EVC2: variants seen among roughly 807,000 people sequenced by gnomAD.
EVC2 encodes the protein EvC ciliary complex subunit 2.
Under a neutral mutation model 149.3 loss-of-function variants are expected in EVC2, and 148 were observed. The observed-to-expected ratio is 0.99, with a 90% CI of 0.87 to 1.14. The LOEUF (loss-of-function observed/expected upper bound fraction) is 1.14, where lower values mean the gene tolerates loss of function less well. Among genes scored for constraint, EVC2 ranks in the 50% most tolerant of loss-of-function variants. EVC2 has a pLI of 0.00. For synonymous variants in EVC2, 776 were observed against 649.9 expected, an observed-to-expected ratio of 1.19 and a Z score of -2.95; for missense variants, 1,854 against 1,627.3, an observed-to-expected ratio of 1.14 and a Z score of -2.40.
chr4:5,681,595 C>T (rs574753244), intron 6 of EVC2, among the ~76,000 whole-genome samples: 3 of 152,334 alleles, frequency 2.0e-5, no homozygotes, highest in South Asian at 4.1e-4. Context: ...TGGGGTTGGG[C>T]ACTGACTCCA....
At chr4:5,542,892 C>G (rs1721541892) in exon 23 of EVC2, 1 of 322,178 alleles carries the variant, frequency 3.1e-6, no homozygotes, top group Non-Finnish European at 6.1e-6. Context: ...CAGGCCCTTC[C>G]TTGGTGTTCC....
Position 5,584,609 on chromosome 4 carries a change from G to A in EVC2, c.3057+14C>T, listed in dbSNP as rs933945004. The A allele has an allele frequency of 6.2e-7, 1 of 1,610,054 alleles. No homozygotes were observed. Among genetic ancestry groups the A allele is most frequent in the Non-Finnish European group, 8.5e-7 (1 of 1,178,386 alleles). Reference sequence around the variant, plus strand: ...CAGCTCTGTCCCCCTCTCCTTCCCAGCGCCTGCACTCACCCGGCTGTGCGA... The same window carrying A: ...CAGCTCTGTCCCCCTCTCCTTCCCAACGCCTGCACTCACCCGGCTGTGCGA... On this transcript the variant is annotated intron_variant, in intron 17 of 21. Coordinates refer to ENST00000344408, the MANE Select transcript of EVC2 (RefSeq NM_147127.5).
Position 5,615,551 on chromosome 4 carries a change from A to C in EVC2, c.2707-7T>G. Reference sequence around the variant, plus strand: ...TTCTCACCTTGGACTGTTGCTGGAGAGGGGTTGGGGAAGACGTGGGTAAGA... The same window carrying C: ...TTCTCACCTTGGACTGTTGCTGGAGCGGGGTTGGGGAAGACGTGGGTAAGA... On this transcript the variant is annotated splice_region_variant and splice_polypyrimidine_tract_variant and intron_variant, in intron 15 of 21. Transcript: ENST00000344408. 6.2e-7 allele frequency: 1 copy of C among 1,613,894 alleles called. No homozygotes were observed. The highest frequency in any genetic ancestry group is 8.5e-7 in the Non-Finnish European group (1 of 1,179,942).
rs12648800 is a variant in EVC2 at position 5,637,692 on chromosome 4, G to T, written c.1470+2822C>A. On this transcript the variant is annotated intron_variant, in intron 10 of 21. Coordinates refer to ENST00000344408, the MANE Select transcript of EVC2 (RefSeq NM_147127.5). This position sits in a 1 kb window ranked among gnomAD's most constrained non-coding sequence, Gnocchi z 4.4. ...AAATGTATGCTGGCAACTGAGGGCA[G>T]GTGTGAAGGCTGCCTGAGCCATCCC... 2.0e-5 allele frequency among the ~76,000 whole-genome samples: 3 copies of T among 151,992 alleles called. No homozygotes were observed. The highest frequency in any genetic ancestry group is 4.8e-5 in the African/African-American group (2 of 41,390).
intron 21 of EVC2, among the ~76,000 whole-genome samples, chr4:5,551,975 T>C (rs1353797441): frequency 6.6e-6 from 1 of 152,190 alleles, no homozygotes; most frequent in Admixed American, 6.5e-5. Context: ...GAACTGTAAG[T>C]CCATAAAACC....
intron 9 of EVC2, among the ~76,000 whole-genome samples, chr4:5,650,665 A>C (rs867846746): frequency 7.0e-6 from 1 of 143,532 alleles, no homozygotes; most frequent in African/African-American, 2.5e-5. Flanking sequence ...AGAGAGAGAG[A>C]GAGAGAGCCA....
At position 5,615,470 on chromosome 4, in the gene EVC2, G is replaced by A. The variant is rs1193965705; in HGVS notation, c.2781C>T (p.Asp927=). ...KGELLKKCIE[D]KIHLCEEQAS... ...CCTGTTCCTCACAGAGGTGAATTTT[G>A]TCTTCGATGCACTTCTTCAGAAGCT... is the stretch of plus-strand genomic sequence containing the variant. Residue 927 remains aspartate, a synonymous_variant, in exon 16 of 22, where the codon GAC becomes GAT. Coordinates refer to ENST00000344408, the MANE Select transcript of EVC2 (RefSeq NM_147127.5). 4.3e-6 allele frequency: 7 copies of A among 1,614,196 alleles called. No homozygotes were observed. The East Asian group carries it at 1.3e-4, about 31-fold the overall frequency.
chr4:5,568,480 T>C lies in EVC2; in HGVS notation c.3521A>G (p.Asp1174Gly). Residue 1174 changes from aspartate (D) to glycine (G), a missense_variant, in exon 20 of 22, where the codon GAT (aspartate) becomes GGT (glycine). Asp to Gly is a moderately conservative substitution (Grantham distance 94). Coordinates refer to ENST00000344408, the MANE Select transcript of EVC2 (RefSeq NM_147127.5). ...CACGTCGGCCTGCTCCGCTCCGCCA[T>C]CGCTCTCAGCTGCGTGGTCCACATG... ...ERHVDHAAES[D>G]GGAEQADVGR... 1 of 1,578,806 alleles carries C rather than the reference T, an allele frequency of 6.3e-7. No individual in the cohort carries two copies. Among genetic ancestry groups the C allele is most frequent in the Non-Finnish European group, 8.5e-7 (1 of 1,169,754 alleles).
intron 8 of EVC2, among the ~76,000 whole-genome samples, chr4:5,663,954 T>A (rs1445268634): frequency 6.6e-6 from 1 of 151,984 alleles, no homozygotes; most frequent in East Asian, 1.9e-4. Context: ...GAATATAGGA[T>A]TGTGAGCTGG....
At chr4:5,674,454 T>A (rs1719863187) in intron 7 of EVC2, among the ~76,000 whole-genome samples, 1 of 152,194 alleles carries the variant, frequency 6.6e-6, no homozygotes, top group South Asian at 2.1e-4. Context: ...AATTCTATTC[T>A]GATGTCAACA....
rs956709252 is a variant in EVC2, at chr4:5,708,488, C to T, written c.26G>A (p.Arg9His). 1 of 1,482,630 alleles carries T rather than the reference C, an allele frequency of 6.7e-7. No homozygotes were observed. The highest frequency in any genetic ancestry group is 1.3e-5 in the South Asian group (1 of 78,012). 91.8% of individuals were successfully genotyped at this position (1,482,630 alleles called of 1,614,324 possible). Reference sequence around the variant, plus strand: ...ACCCCCGGCCAGCACCCACGTGGGGCGCCCCCGGGAGCCCGAGGGGTCCAT... The same window carrying T: ...ACCCCCGGCCAGCACCCACGTGGGGTGCCCCCGGGAGCCCGAGGGGTCCAT... MDPSGSRG[R>H]PTWVLAGGLL... Residue 9 changes from arginine to histidine, a missense_variant, in exon 1 of 22, where the codon CGC (arginine) becomes CAC (histidine). Coordinates refer to ENST00000344408, the MANE Select transcript of EVC2 (RefSeq NM_147127.5).
At chr4:5,581,995 C>T (rs572137155) in intron 17 of EVC2, among the ~76,000 whole-genome samples, 1 of 152,206 alleles carries the variant, frequency 6.6e-6, no homozygotes, top group Non-Finnish European at 1.5e-5. Flanking sequence ...TGGGAGCCTC[C>T]GCCTAGATTT....
intron 8 of EVC2, among the ~76,000 whole-genome samples, chr4:5,664,795 A>T (rs1719144860): frequency 6.6e-6 from 1 of 152,090 alleles, no homozygotes; most frequent in South Asian, 2.1e-4. Flanking sequence ...TTTCTGCCTC[A>T]CTTCCCACCA....
chr4:5,592,944 G>C (rs1474472947), intron 16 of EVC2, among the ~76,000 whole-genome samples: 1 of 152,124 alleles, frequency 6.6e-6, no homozygotes, highest in Non-Finnish European at 1.5e-5. Flanking sequence ...GGAGGTAACT[G>C]AATCATGGGG....
At chr4:5,687,196 G>T (rs1455465246) in intron 5 of EVC2, among the ~76,000 whole-genome samples, 1 of 152,158 alleles carries the variant, frequency 6.6e-6, no homozygotes, top group Non-Finnish European at 1.5e-5. Context: ...GGTGGAGGTT[G>T]CAGTGAGCCG....
intron 21 of EVC2, among the ~76,000 whole-genome samples, chr4:5,546,438 C>G (rs1421626151): frequency 2.6e-5 from 4 of 151,910 alleles, no homozygotes; most frequent in Admixed American, 6.6e-5. Context: ...AACTGGAAAC[C>G]ATCATTCTCA....
intron 9 of EVC2, 32 bp downstream of exon 9, chr4:5,663,075 T>C (rs767746478): frequency 1.9e-6 from 3 of 1,613,150 alleles, no homozygotes; most frequent in South Asian, 1.1e-5. Flanking sequence ...TCATCACATG[T>C]GTGTAAGTAT....
At chr4:5,580,937 G>C (rs187336030) in intron 17 of EVC2, among the ~76,000 whole-genome samples, 1 of 152,086 alleles carries the variant, frequency 6.6e-6, no homozygotes, top group Non-Finnish European at 1.5e-5. Flanking sequence ...GTGAGTTGTA[G>C]TGAGATCTGG....
intron 9 of EVC2, among the ~76,000 whole-genome samples, chr4:5,662,704 A>G (rs1718981914): frequency 6.8e-6 from 1 of 147,630 alleles, no homozygotes; most frequent in African/African-American, 2.5e-5. Context: ...TTATTAAAAT[A>G]ATAATTATTC....
Sources: allele counts gnomAD v4.1 joint callset (sites outside exome capture counted in the v4.1 genomes callset), GRCh38; gene constraint gnomAD v4.1.1; non-coding constraint Gnocchi (gnomAD v3.1); transcripts MANE v1.5; gene names NCBI Gene and HGNC (gene_info 2026-07-23, HGNC 2026-07-21).